Variants in PRRC2C observed in about 807,000 individuals in gnomAD.
PRRC2C encodes proline rich coiled-coil 2C.
Under a neutral mutation model 317.2 loss-of-function variants are expected in PRRC2C, and 72 were observed. That is an observed-to-expected ratio of 0.23 (90% CI 0.19 to 0.28). The LOEUF (loss-of-function observed/expected upper bound fraction) is 0.28. Among genes scored for constraint, PRRC2C ranks in the 10% least tolerant of loss-of-function variants. PRRC2C has a pLI of 1.00. For synonymous variants in PRRC2C, 1,296 were observed against 1,205.9 expected, an observed-to-expected ratio of 1.07 and a Z score of -1.55; for missense variants, 3,074 against 3,459.7, an observed-to-expected ratio of 0.89 and a Z score of 2.80.
In PRRC2C at chr1:171,541,562, A is replaced by G. The variant is rs939638225; in HGVS notation, c.4096A>G (p.Thr1366Ala). 3 of 1,613,708 alleles carry G rather than the reference A, an allele frequency of 1.9e-6. No individual in the cohort carries two copies. The highest frequency in any genetic ancestry group is 1.3e-5 in the African/African-American group (1 of 74,902). The change falls in exon 16 of 35, where the codon ACT becomes GCT. Residue 1366 changes from threonine (T) to alanine (A), a missense_variant. Transcript: ENST00000647382. This position sits in a 1 kb window ranked among gnomAD's most constrained non-coding sequence, Gnocchi z 4.1. ...TGGAGGCCGTCCATCACGCCCTTCC[A>G]CTTTACGAAGACCAGCTTATCGGGA... The part of the protein sequence containing the change: ...DPGGRPSRPS[T>A]LRRPAYRDNQ...
intron 10 of PRRC2C, 94 bp from the exon 11 acceptor site, chr1:171,527,697 A>T: frequency 9.9e-7 from 1 of 1,011,910 alleles, no homozygotes; most frequent in Non-Finnish European, 1.5e-6. Flanking sequence ...CAGAGGTTGC[A>T]GTGAGCCAAG....
At chr1:171,509,677 C>G (rs970150767) in intron 1 of PRRC2C, 5 of 151,734 alleles carry the variant, frequency 3.3e-5, no homozygotes, top group Admixed American at 1.3e-4. Context: ...TAGGTCTTAA[C>G]ATTTTTGTAA....
chr1:171,587,345 C>T lies in PRRC2C; in HGVS notation c.7968+124C>T, dbSNP rs1215588871. 9.1e-6 allele frequency: 8 copies of T among 883,130 alleles called. No individual in the cohort carries two copies. The East Asian group carries it at 1.9e-4, about 21-fold the overall frequency. 54.7% of individuals were successfully genotyped at this position (883,130 alleles called of 1,614,324 possible). On this transcript the variant is annotated intron_variant, in intron 31 of 34. Coordinates refer to ENST00000647382, the MANE Select transcript of PRRC2C (RefSeq NM_001387844.1). The stretch of plus-strand genomic sequence containing the variant: ...TTTACCACCCTGCAAAAATCTCAAA[C>T]CCCAGTATATTTACATTTTATCTAT...
At chr1:171,539,227 C>T in intron 15 of PRRC2C, among the ~76,000 whole-genome samples, 1 of 152,118 alleles carries the variant, frequency 6.6e-6, no homozygotes. Flanking sequence ...TCTCGAACTC[C>T]CGACCTCAGG....
chr1:171,524,721 C>A, intron 9 of PRRC2C, 100 bp from the exon 10 acceptor site: 4 of 1,246,336 alleles, frequency 3.2e-6, no homozygotes, highest in Non-Finnish European at 4.3e-6. Flanking sequence ...ATTTCCCCCC[C>A]CAGAAACCAT....
In PRRC2C at chr1:171,545,589, A is replaced by T. The variant is rs758565512; in HGVS notation, c.4874A>T (p.Asp1625Val). Residue 1625 changes from aspartate (D) to valine (V), a missense_variant, in exon 17 of 35, where the codon GAT (aspartate) becomes GTT (valine). Coordinates refer to ENST00000647382, the MANE Select transcript of PRRC2C (RefSeq NM_001387844.1). ...PNGTGQKNSK[D>V]STGKKREDPK... ...GGTACAGGACAAAAGAACTCCAAAG[A>T]TTCTACTGGGAAAAAAAGAGAAGAC... 2 of 1,611,244 alleles carry T rather than the reference A, an allele frequency of 1.2e-6. No individual in the cohort carries two copies. Among genetic ancestry groups the T allele is most frequent in the Non-Finnish European group, 1.7e-6 (2 of 1,178,666 alleles).
rs1337353944 is a variant in PRRC2C at position 171,566,575 on chromosome 1, T to C, written c.6307-17T>C. ...ATCTATCATAAACATAGTTTTATCATAAACATTTGACTTTAGCTTCCAGAT... is the reference window on the plus strand; with the variant it reads ...ATCTATCATAAACATAGTTTTATCACAAACATTTGACTTTAGCTTCCAGAT... On this transcript the variant is annotated splice_polypyrimidine_tract_variant and intron_variant, in intron 21 of 34. Transcript: ENST00000647382. 2.4e-5 allele frequency: 37 copies of C among 1,545,780 alleles called. No individual in the cohort carries two copies. The highest frequency in any genetic ancestry group is 3.0e-5 in the Non-Finnish European group (34 of 1,148,810).
intron 17 of PRRC2C, among the ~76,000 whole-genome samples, chr1:171,546,143 G>C: frequency 6.6e-6 from 1 of 152,174 alleles, no homozygotes; most frequent in East Asian, 1.9e-4. Flanking sequence ...AATAGGACGA[G>C]AGGCAGTGTC....
At chr1:171,523,192 T>C (rs767223955) in intron 7 of PRRC2C, 29 bp from the exon 8 acceptor site, 6 of 1,571,398 alleles carry the variant, frequency 3.8e-6, no homozygotes, top group Non-Finnish European at 5.2e-6. Context: ...TAAACTTTTG[T>C]ATCTTTTCCA....
At chr1:171,566,931 T>G (rs935264781) in intron 22 of PRRC2C, 88 bp downstream of exon 22, 8 of 1,413,894 alleles carry the variant, frequency 5.7e-6, no homozygotes, top group Non-Finnish European at 7.5e-6. Context: ...GCTTTTTTTT[T>G]TCCTGCTGAG....
chr1:171,540,962 A>G lies in PRRC2C; in HGVS notation c.3496A>G (p.Thr1166Ala), dbSNP rs763749671. 2 of 1,613,920 alleles carry G rather than the reference A, an allele frequency of 1.2e-6. No individual in the cohort carries two copies. The highest frequency in any genetic ancestry group is 2.2e-5 in the East Asian group (1 of 44,894). ...AAGACCAGCAGTTAAAAAAGAATCA[A>G]CTTTGCCTCCCAGGACCTATTGGAA... ...DSRPAVKKESTLPPRTYWKEA... is the reference protein window; with the variant it reads ...DSRPAVKKESALPPRTYWKEA... Residue 1166 changes from threonine to alanine, a missense_variant, in exon 16 of 35, where the codon ACT (threonine) becomes GCT (alanine). This residue lies in a region of PRRC2C where 1,320 missense variants were observed against 1,395.7 expected (regional missense o/e 0.95). Coordinates refer to ENST00000647382, the MANE Select transcript of PRRC2C (RefSeq NM_001387844.1).
intron 1 of PRRC2C, chr1:171,509,803 A>AC (rs1210459432): frequency 6.6e-6 from 1 of 150,606 alleles, no homozygotes; most frequent in East Asian, 1.9e-4. Context: ...TTCTAGAGAA[A>AC]CATGGTTTCT....
chr1:171,527,801 C>T lies in PRRC2C; in HGVS notation c.1211C>T (p.Thr404Ile). 6.3e-7 allele frequency: 1 copy of T among 1,578,298 alleles called. No homozygotes were observed. Among genetic ancestry groups the T allele is most frequent in the Admixed American group, 1.8e-5 (1 of 55,898 alleles). The stretch of plus-strand genomic sequence containing the variant: ...TCTTCTTTATAATAGGAACGTGGAA[C>T]ATCTTCACATCTGCCACCACCTCCA... ...KGPSFNQERG[T>I]SSHLPPPPKL... Residue 404 changes from threonine (T) to isoleucine (I), a missense_variant, in exon 11 of 35, where the codon ACA becomes ATA. Coordinates refer to ENST00000647382, the MANE Select transcript of PRRC2C (RefSeq NM_001387844.1).
intron 34 of PRRC2C, chr1:171,591,020 G>GT (rs1271016145): frequency 4.7e-6 from 1 of 214,534 alleles, no homozygotes; most frequent in Non-Finnish European, 8.0e-6. Context: ...CAGATTTGAC[G>GT]TAAGTATATT....
In PRRC2C at chr1:171,540,696, C is replaced by T. The variant is rs757832828; in HGVS notation, c.3230C>T (p.Ser1077Leu). The T allele has an allele frequency of 1.2e-6, 2 of 1,614,014 alleles. No homozygotes were observed. Among genetic ancestry groups the T allele is most frequent in the Non-Finnish European group, 1.7e-6 (2 of 1,179,886 alleles). Residue 1077 changes from serine (S) to leucine (L), a missense_variant, in exon 16 of 35, where the codon TCA (serine) becomes TTA (leucine). Ser to Leu is a moderately radical substitution (Grantham distance 145). Coordinates refer to ENST00000647382, the MANE Select transcript of PRRC2C (RefSeq NM_001387844.1). ...CCACCAGCACCAATTCAGCCACAGTCAGTTCCACCACCAATTCAACCAGAA... is the reference window on the plus strand; with the variant it reads ...CCACCAGCACCAATTCAGCCACAGTTAGTTCCACCACCAATTCAACCAGAA... The part of the protein sequence containing the change: ...PQPPAPIQPQ[S>L]VPPPIQPEAE...
chr1:171,486,334 G>A (rs767828281), intron 1 of PRRC2C, among the ~76,000 whole-genome samples: 3 of 151,948 alleles, frequency 2.0e-5, no homozygotes, highest in African/African-American at 4.8e-5. Context: ...CTCCGGAGGA[G>A]GATTTGGGTA....
chr1:171,568,785 T>A (rs1212087619), intron 23 of PRRC2C, among the ~76,000 whole-genome samples: 1 of 152,096 alleles, frequency 6.6e-6, no homozygotes, highest in East Asian at 1.9e-4. Flanking sequence ...ATCAAGTATG[T>A]CTTTAAAAAA....
intron 16 of PRRC2C, among the ~76,000 whole-genome samples, chr1:171,544,910 C>A (rs1678767797): frequency 2.0e-5 from 3 of 151,984 alleles, no homozygotes; most frequent in Non-Finnish European, 4.4e-5. Context: ...TTTAAAAAAA[C>A]AACCTGAAAT....
At chr1:171,554,070 TA>T (rs1680858673) in intron 18 of PRRC2C, among the ~76,000 whole-genome samples, 1 of 152,188 alleles carries the variant, frequency 6.6e-6, no homozygotes, top group Admixed American at 6.5e-5. Flanking sequence ...AATGGGGTGT[TA>T]AAGTCTCCCA....
Sources: gnomAD v4.1 joint callset for allele counts (sites outside exome capture counted in the v4.1 genomes callset) on GRCh38, gnomAD v4.1.1 for gene constraint, gnomAD v4.1.1 regional missense constraint, Gnocchi (gnomAD v3.1) non-coding constraint, MANE v1.5 for transcripts, NCBI Gene and HGNC (gene_info 2026-07-23, HGNC 2026-07-21) for gene names.